FAM13C: variants seen among roughly 807,000 people sequenced by gnomAD.
FAM13C encodes protein FAM13C.
FAM13C carries 37 observed loss-of-function variants against 73.2 expected under a neutral mutation model. The ratio of observed to expected loss-of-function variants is 0.51; its 90% CI spans 0.39 to 0.67. The LOEUF (loss-of-function observed/expected upper bound fraction) is 0.67. Ranked by LOEUF, FAM13C falls within the 30% of genes least tolerant of loss-of-function variation. The probability of loss-of-function intolerance (pLI) is 0.00; values close to 1 mark genes in which losing one functional copy is unlikely to be tolerated. For synonymous variants in FAM13C, 246 were observed against 260.9 expected, an observed-to-expected ratio of 0.94 and a Z score of 0.55; for missense variants, 589 against 715.6, an observed-to-expected ratio of 0.82 and a Z score of 2.02.
At chr10:59,350,516 T>C (rs1487477489) in intron 3 of FAM13C, among the ~76,000 whole-genome samples, 1 of 152,180 alleles carries the variant, frequency 6.6e-6, no homozygotes, top group Non-Finnish European at 1.5e-5. Context: ...ATGACTCTCC[T>C]AATTAGTTAG....
intron 6 of FAM13C, among the ~76,000 whole-genome samples, chr10:59,277,384 C>A (rs1206054870): frequency 1.3e-5 from 2 of 152,136 alleles, no homozygotes; most frequent in Admixed American, 6.5e-5. Context: ...AAATTGAGAT[C>A]ATTGTAGATT....
At chr10:59,346,340 T>C (rs76328708) in intron 3 of FAM13C, among the ~76,000 whole-genome samples, 2,364 of 152,272 alleles carry the variant, frequency 0.016, 78 homozygotes, top group South Asian at 0.093. Context: ...TGAAAGCATC[T>C]AGGGAGCTTT....
Position 59,283,330 on chromosome 10 carries a change from C to T in FAM13C, c.592+33G>A, listed in dbSNP as rs1845147940. 3 of 1,608,564 alleles carry T rather than the reference C, an allele frequency of 1.9e-6. No individual in the cohort carries two copies. In the African/African-American group the frequency reaches 4.0e-5, roughly 22 times the overall value. On this transcript the variant is annotated intron_variant, in intron 6 of 13. Coordinates refer to ENST00000618804, the MANE Select transcript of FAM13C (RefSeq NM_198215.4). ...AAGAGACTGAACTACCTTGAGAGTA[C>T]AATTTGGGACAACCCCCAGCCCTGT...
intron 6 of FAM13C, among the ~76,000 whole-genome samples, chr10:59,280,473 T>C (rs779925103): frequency 4.6e-5 from 7 of 152,212 alleles, no homozygotes; most frequent in Non-Finnish European, 8.8e-5. Context: ...CCTCTTCCCG[T>C]TGGCAAAATT....
In FAM13C at chr10:59,324,110, C is replaced by T; in HGVS notation, c.325-4G>A. 6.2e-7 allele frequency: 1 copy of T among 1,607,954 alleles called. No individual in the cohort carries two copies. ...TGGATACCACATGCTCTGTCTCCTG[C>T]AAGAAGAAAGAGCAAAAGTAGATGA... On this transcript the variant is annotated splice_polypyrimidine_tract_variant and splice_region_variant and intron_variant, in intron 3 of 13. Coordinates refer to ENST00000618804, the MANE Select transcript of FAM13C (RefSeq NM_198215.4).
At chr10:59,252,209 C>G (rs760523831) in intron 12 of FAM13C, among the ~76,000 whole-genome samples, 3 of 152,122 alleles carry the variant, frequency 2.0e-5, no homozygotes, top group Non-Finnish European at 2.9e-5. Context: ...GTCATATACT[C>G]TAGAGCAGGA....
chr10:59,303,178 T>C (rs1318049626), intron 4 of FAM13C, among the ~76,000 whole-genome samples: 1 of 152,174 alleles, frequency 6.6e-6, no homozygotes, highest in Non-Finnish European at 1.5e-5. Flanking sequence ...TTGCTGTGCC[T>C]GAGCCCAGAC....
rs546396250 is a variant in FAM13C at position 59,350,240 on chromosome 10, A to T, written c.324+2030T>A. 4.6e-5 allele frequency among the ~76,000 whole-genome samples: 7 copies of T among 152,216 alleles called. No homozygotes were observed. The South Asian group carries it at 1.5e-3, about 32-fold the overall frequency. ...TTATGAGCAAAGACTATACAAGCAC[A>T]TTTCTCCCCTGAAATCTACCTGTGT... On this transcript the variant is annotated intron_variant, in intron 3 of 13. Coordinates refer to ENST00000618804, the MANE Select transcript of FAM13C (RefSeq NM_198215.4).
At chr10:59,288,871 C>G (rs1216516778) in intron 5 of FAM13C, among the ~76,000 whole-genome samples, 1 of 152,196 alleles carries the variant, frequency 6.6e-6, no homozygotes, top group Non-Finnish European at 1.5e-5. Flanking sequence ...CCATGGGCCA[C>G]TTGTAAGTCC....
chr10:59,297,175 TG>T (rs1190982593), intron 5 of FAM13C: 2 of 152,200 alleles, frequency 1.3e-5, no homozygotes, highest in African/African-American at 4.8e-5. Context: ...TGGGCATAAA[TG>T]GACAAAGCAC....
intron 3 of FAM13C, among the ~76,000 whole-genome samples, chr10:59,351,046 G>A (rs1373427114): frequency 6.6e-6 from 1 of 152,074 alleles, no homozygotes; most frequent in African/African-American, 2.4e-5. Context: ...TTTTTTAAAA[G>A]CATCAGAAAG....
upstream of FAM13C, chr10:59,363,158 G>A (rs1480455651): frequency 1.3e-5 from 2 of 152,528 alleles, no homozygotes; most frequent in Non-Finnish European, 2.9e-5. Context: ...GAAGCGCCCA[G>A]CCCCGGACTA....
intron 4 of FAM13C, among the ~76,000 whole-genome samples, chr10:59,321,868 A>G (rs924902557): frequency 6.6e-6 from 1 of 152,054 alleles, no homozygotes; most frequent in Non-Finnish European, 1.5e-5. Context: ...TGCTACAGAG[A>G]GATCTTTCTT....
chr10:59,336,255 GT>G (rs1228014723), intron 3 of FAM13C, among the ~76,000 whole-genome samples: 2 of 152,052 alleles, frequency 1.3e-5, no homozygotes, highest in Non-Finnish European at 2.9e-5. Context: ...TAATATTATT[GT>G]TTTTTATTTT....
At chr10:59,267,314 C>A (rs902219058) in intron 8 of FAM13C, among the ~76,000 whole-genome samples, 19 of 152,308 alleles carry the variant, frequency 1.2e-4, no homozygotes, top group African/African-American at 4.3e-4. Context: ...TATTCTATTG[C>A]AGAACCTACT....
At chr10:59,330,455 A>G (rs932716223) in intron 3 of FAM13C, among the ~76,000 whole-genome samples, 1 of 152,182 alleles carries the variant, frequency 6.6e-6, no homozygotes, top group Non-Finnish European at 1.5e-5. Flanking sequence ...AGTAAAAAAG[A>G]GAGTCATGAG....
rs1156851315 is a variant in FAM13C, at chr10:59,247,291, A to G, written c.*323T>C. On this transcript the variant is annotated 3_prime_UTR_variant, in exon 14 of 14. Coordinates refer to ENST00000618804, the MANE Select transcript of FAM13C (RefSeq NM_198215.4). ...TTTGGATACTAAATAAACTTTCCCTAACAAGTGTCCTAGCTATGTTATTTA... is the reference window on the plus strand; with the variant it reads ...TTTGGATACTAAATAAACTTTCCCTGACAAGTGTCCTAGCTATGTTATTTA... 8.3e-6 allele frequency: 2 copies of G among 241,858 alleles called. No individual in the cohort carries two copies. The highest frequency in any genetic ancestry group is 5.8e-5 in the Admixed American group (1 of 17,106). 15.0% of individuals were successfully genotyped at this position (241,858 alleles called of 1,614,324 possible).
chr10:59,286,076 T>C (rs1313600722), intron 5 of FAM13C, among the ~76,000 whole-genome samples: 3 of 152,224 alleles, frequency 2.0e-5, no homozygotes, highest in Non-Finnish European at 2.9e-5. Flanking sequence ...TGGAACATTG[T>C]TCAGCATTCA....
chr10:59,284,646 C>T (rs1164735450), intron 5 of FAM13C, among the ~76,000 whole-genome samples: 1 of 150,774 alleles, frequency 6.6e-6, no homozygotes, highest in Non-Finnish European at 1.5e-5. Context: ...TACATGCACT[C>T]TCATACCTAC....
Sources: gnomAD v4.1 joint callset for allele counts (sites outside exome capture counted in the v4.1 genomes callset) on GRCh38, gnomAD v4.1.1 for gene constraint, MANE v1.5 for transcripts, NCBI Gene and HGNC (gene_info 2026-07-23, HGNC 2026-07-21) for gene names.